TCF12: variants seen among roughly 807,000 people sequenced by gnomAD.
The protein encoded by TCF12 is transcription factor 12, also known as DNA-binding protein HTF4.
In TCF12, 45 loss-of-function variants were observed where a neutral mutation model predicts 86.0. The ratio of observed to expected loss-of-function variants is 0.52; its 90% CI spans 0.41 to 0.67. TCF12 has a LOEUF of 0.67. Among genes scored for constraint, TCF12 ranks in the 30% least tolerant of loss-of-function variants. The probability of loss-of-function intolerance (pLI) is 0.00; values close to 1 mark genes in which losing one functional copy is unlikely to be tolerated. For missense variants in TCF12, 881 were observed against 859.9 expected (o/e 1.02, Z -0.31); for synonymous variants, 330 against 299.6 (o/e 1.10, Z -1.05).
At chr15:57,282,997 A>G (rs1052741292) in intron 20 of TCF12, among the ~76,000 whole-genome samples, 39 of 152,198 alleles carry the variant, frequency 2.6e-4, no homozygotes, top group African/African-American at 8.9e-4. Context: ...TTTTCTGCCA[A>G]TTATCTAGCT....
At chr15:57,290,362 G>C (rs1009252928), downstream of TCF12, among the ~76,000 whole-genome samples, 9 of 140,206 alleles carry the variant, frequency 6.4e-5, no homozygotes, top group Admixed American at 6.4e-4. Flanking sequence ...AAAAAAAAAA[G>C]AGTGAGCCAG....
At chr15:57,047,644 G>C (rs1306500422) in intron 3 of TCF12, among the ~76,000 whole-genome samples, 2 of 152,112 alleles carry the variant, frequency 1.3e-5, no homozygotes, top group Admixed American at 1.3e-4. Flanking sequence ...GATTGTGAGA[G>C]AAAATATTTT....
intron 8 of TCF12, 61 bp from the exon 9 acceptor site, chr15:57,231,091 T>G: frequency 6.7e-6 from 9 of 1,348,412 alleles, no homozygotes; most frequent in Non-Finnish European, 9.5e-6. Context: ...ATAGAACTCA[T>G]TTTACATAAG....
chr15:57,076,636 C>T (rs2070075126), intron 4 of TCF12, among the ~76,000 whole-genome samples: 1 of 142,292 alleles, frequency 7.0e-6, no homozygotes, highest in African/African-American at 2.7e-5. Context: ...CTGGCTCTGT[C>T]TCAAAAAAAA....
chr15:56,984,904 G>C (rs908386560), intron 3 of TCF12, among the ~76,000 whole-genome samples: 1 of 152,126 alleles, frequency 6.6e-6, no homozygotes, highest in African/African-American at 2.4e-5. Flanking sequence ...TTGTAAGATT[G>C]TGCTAAGACA....
chr15:57,209,833 C>G (rs2058027258), intron 8 of TCF12, among the ~76,000 whole-genome samples: 1 of 152,280 alleles, frequency 6.6e-6, no homozygotes, highest in Admixed American at 6.5e-5. Context: ...CTGCCCCTCC[C>G]TTACTTCACT....
Position 57,253,376 on chromosome 15 carries a change from T to C in TCF12, c.1375T>C (p.Leu459=). ...TGCTGGTCACAGTGATATACATAGT[T>C]TATTGGGACCATCCCATAATGCACC... is the stretch of plus-strand genomic sequence containing the variant. ...LPAGHSDIHS[L]LGPSHNAPIG... is the part of the protein sequence containing the mutation. Residue 459 remains leucine (L), a synonymous_variant, in exon 16 of 21, where the codon TTA becomes CTA. Coordinates refer to ENST00000333725, the MANE Select transcript of TCF12 (RefSeq NM_207037.2). 6 of 1,614,106 alleles carry C rather than the reference T, an allele frequency of 3.7e-6. No homozygotes were observed. Among genetic ancestry groups the C allele is most frequent in the Non-Finnish European group, 4.2e-6 (5 of 1,179,986 alleles).
At chr15:57,255,456 C>A (rs546902964) in intron 16 of TCF12, among the ~76,000 whole-genome samples, 37 of 152,182 alleles carry the variant, frequency 2.4e-4, no homozygotes, top group African/African-American at 8.9e-4. Context: ...AGAAGGTCTG[C>A]CAGAGGTATT....
At chr15:57,216,760 A>G (rs1486873237) in intron 8 of TCF12, among the ~76,000 whole-genome samples, 8 of 152,124 alleles carry the variant, frequency 5.3e-5, no homozygotes, top group African/African-American at 1.2e-4. Context: ...AAGATAATTT[A>G]TAATGGCAAT....
At chr15:57,118,220 C>T (rs369288584) in intron 5 of TCF12, 4 of 152,280 alleles carry the variant, frequency 2.6e-5, no homozygotes, top group Admixed American at 1.3e-4. Flanking sequence ...ATACAGCAAA[C>T]GTCAATAACA....
At chr15:57,171,454 C>G (rs1435281835) in intron 6 of TCF12, among the ~76,000 whole-genome samples, 1 of 152,044 alleles carries the variant, frequency 6.6e-6, no homozygotes, top group African/African-American at 2.4e-5. Flanking sequence ...CAAAAAAAAT[C>G]CAAGGAAATA....
At chr15:57,130,441 G>A (rs1343727944) in intron 5 of TCF12, among the ~76,000 whole-genome samples, 1 of 151,886 alleles carries the variant, frequency 6.6e-6, no homozygotes, top group African/African-American at 2.4e-5. Context: ...TCCAGAGAAA[G>A]AAAAAAATAG....
intron 7 of TCF12, among the ~76,000 whole-genome samples, chr15:57,197,344 A>G (rs2057323230): frequency 6.6e-6 from 1 of 151,592 alleles, no homozygotes; most frequent in South Asian, 2.1e-4. Context: ...TTTTTAGTAG[A>G]GATGGGTTTC....
At chr15:57,256,901 C>T (rs571908762) in intron 16 of TCF12, among the ~76,000 whole-genome samples, 1 of 152,272 alleles carries the variant, frequency 6.6e-6, no homozygotes, top group African/African-American at 2.4e-5. Flanking sequence ...GGGCAGCATC[C>T]TAATTGTAGG....
chr15:57,070,179 A>G (rs1318961139), intron 4 of TCF12, among the ~76,000 whole-genome samples: 4 of 151,820 alleles, frequency 2.6e-5, no homozygotes, highest in Admixed American at 6.5e-5. Flanking sequence ...TCAGCACAAG[A>G]TGATATCCGG....
intron 3 of TCF12, among the ~76,000 whole-genome samples, chr15:57,055,186 G>T (rs551937299): frequency 6.6e-6 from 1 of 152,148 alleles, no homozygotes; most frequent in African/African-American, 2.4e-5. Flanking sequence ...GAATCAAGCC[G>T]GGGTCAGGAG....
intron 6 of TCF12, among the ~76,000 whole-genome samples, chr15:57,179,747 G>C (rs960485149): frequency 7.2e-5 from 11 of 152,088 alleles, no homozygotes; most frequent in African/African-American, 2.4e-4. Flanking sequence ...ACCTAGGAAA[G>C]GATTAGAAGC....
chr15:56,971,841 C>A (rs2062347113), intron 3 of TCF12, among the ~76,000 whole-genome samples: 1 of 152,042 alleles, frequency 6.6e-6, no homozygotes, highest in Admixed American at 6.5e-5. Flanking sequence ...TATGAAATGT[C>A]CAAACTAGGC....
chr15:57,222,571 T>C (rs2058648779), intron 8 of TCF12, among the ~76,000 whole-genome samples: 1 of 151,704 alleles, frequency 6.6e-6, no homozygotes, highest in South Asian at 2.1e-4. Context: ...ATTTTGCACC[T>C]TATACTGTTT....
Sources: allele counts gnomAD v4.1 joint callset (sites outside exome capture counted in the v4.1 genomes callset), GRCh38; gene constraint gnomAD v4.1.1; transcripts MANE v1.5; gene names NCBI Gene and HGNC (gene_info 2026-07-23, HGNC 2026-07-21).